Variants in ZGRF1 observed in about 807,000 individuals in gnomAD.
The protein encoded by ZGRF1 is zinc finger GRF-type containing 1.
ZGRF1 carries 196 observed loss-of-function variants against 203.5 expected under a neutral mutation model. That is an observed-to-expected ratio of 0.96 (90% confidence interval 0.86 to 1.08). The LOEUF (loss-of-function observed/expected upper bound fraction) is 1.08, where lower values mean the gene tolerates loss of function less well. ZGRF1 is among the 50% of genes least tolerant of loss of function. The pLI is 0.00. For missense variants in ZGRF1, 2,326 were observed against 2,416.3 expected (o/e 0.96, Z 0.78); for synonymous variants, 809 against 841.3 (o/e 0.96, Z 0.66).
intron 12 of ZGRF1, 135 bp from the exon 13 acceptor site, chr4:112,586,718 T>C (rs1747256224): frequency 1.4e-6 from 1 of 725,064 alleles, no homozygotes; most frequent in Non-Finnish European, 2.0e-6. Flanking sequence ...AAAATTACTT[T>C]CAAATTTTAA....
chr4:112,569,550 AG>A, intron 16 of ZGRF1, among the ~76,000 whole-genome samples: 1 of 152,294 alleles, frequency 6.6e-6, no homozygotes, highest in South Asian at 2.1e-4. Flanking sequence ...GAGTAAGGAA[AG>A]GGATCAGGGG....
At position 112,619,568 on chromosome 4, in the gene ZGRF1, AG is replaced by A; in HGVS notation, c.473del (p.Pro158LeufsTer12). ...PTIFSPFCSM[P>X]PLFPTVGKKD... ...TCTTGCCAACAGTAGGAAACAAAGGAGGCATGCTGCAGAATGGAGAAAAAAT... is the reference window on the plus strand; with the variant it reads ...TCTTGCCAACAGTAGGAAACAAAGGAGCATGCTGCAGAATGGAGAAAAAAT... On this transcript the variant is annotated frameshift_variant, in exon 6 of 28. Transcript: ENST00000505019. LOFTEE classifies it high-confidence loss of function. The A allele has an allele frequency of 6.2e-7, 1 of 1,614,118 alleles. No individual in the cohort carries two copies. The highest frequency in any genetic ancestry group is 8.5e-7 in the Non-Finnish European group (1 of 1,179,982).
chr4:112,547,251 AATG>A (rs765645052), intron 24 of ZGRF1, 31 bp downstream of exon 24: 1 of 1,588,496 alleles, frequency 6.3e-7, no homozygotes, highest in African/African-American at 1.4e-5. Flanking sequence ...AGAATCAATA[AATG>A]ATAATTCCGT....
intron 15 of ZGRF1, 26 bp downstream of exon 15, chr4:112,583,952 C>G: frequency 6.9e-7 from 1 of 1,439,182 alleles, no homozygotes; most frequent in Non-Finnish European, 9.5e-7. Context: ...TAATCACAGG[C>G]AATTATTTGG....
intron 16 of ZGRF1, among the ~76,000 whole-genome samples, chr4:112,577,000 A>C (rs1745360891): frequency 6.6e-6 from 1 of 151,264 alleles, no homozygotes. Context: ...GTTGAAATGA[A>C]GGAAAAAATG....
At chr4:112,622,581 A>T (rs1296912802) in intron 4 of ZGRF1, among the ~76,000 whole-genome samples, 1 of 152,032 alleles carries the variant, frequency 6.6e-6, no homozygotes, top group African/African-American at 2.4e-5. Flanking sequence ...ACTTTACAGA[A>T]ATTATTTCTA....
At chr4:112,596,174 CAG>C (rs1215190317) in intron 10 of ZGRF1, among the ~76,000 whole-genome samples, 1 of 152,104 alleles carries the variant, frequency 6.6e-6, no homozygotes, top group Non-Finnish European at 1.5e-5. Context: ...GGATGAGAAA[CAG>C]AAACTCCATC....
At chr4:112,560,566 C>T (rs753935450) in intron 19 of ZGRF1, among the ~76,000 whole-genome samples, 167 bp downstream of exon 19, 1 of 152,188 alleles carries the variant, frequency 6.6e-6, no homozygotes, top group Non-Finnish European at 1.5e-5. Flanking sequence ...TTAGGGTAGT[C>T]AGTTCTGTTC....
intron 11 of ZGRF1, among the ~76,000 whole-genome samples, chr4:112,589,349 G>T (rs1747758066): frequency 6.6e-6 from 1 of 152,122 alleles, no homozygotes; most frequent in Non-Finnish European, 1.5e-5. Flanking sequence ...AAAAGGTTAT[G>T]CTAAGGTCAA....
chr4:112,624,517 G>A (rs1424897615), intron 3 of ZGRF1, among the ~76,000 whole-genome samples: 2 of 151,904 alleles, frequency 1.3e-5, no homozygotes, highest in Non-Finnish European at 2.9e-5. Context: ...GGGACAAACA[G>A]GAGACAAGAT....
At chr4:112,614,019 A>G (rs2046781618) in intron 6 of ZGRF1, among the ~76,000 whole-genome samples, 1 of 152,172 alleles carries the variant, frequency 6.6e-6, no homozygotes, top group South Asian at 2.1e-4. Context: ...GAAAATTGAT[A>G]TTGTTTTCCT....
rs1747037318 is a variant in ZGRF1, at chr4:112,585,609, T to C, written c.4033A>G (p.Asn1345Asp). The C allele has an allele frequency of 1.2e-6, 2 of 1,612,856 alleles. No individual in the cohort carries two copies. Among genetic ancestry groups the C allele is most frequent in the Middle Eastern group, 1.7e-4 (1 of 6,048 alleles). ...KGEKLKNAEN[N>D]VPSCHHSQPA... ...TGACTATGATGGCAGGATGGTACAT[T>C]ATTTTCTGCGTTTTTCAGTTTCTCT... The change falls in exon 14 of 28, where the codon AAT (asparagine) becomes GAT (aspartate). Residue 1345 changes from asparagine to aspartate, a missense_variant. Coordinates refer to ENST00000505019, the MANE Select transcript of ZGRF1 (RefSeq NM_018392.5).
At position 112,618,305 on chromosome 4, in the gene ZGRF1, T is replaced by A. The variant is rs1448711069; in HGVS notation, c.1737A>T (p.Thr579=). 1 of 1,613,962 alleles carries A rather than the reference T, an allele frequency of 6.2e-7. No homozygotes were observed. Among genetic ancestry groups the A allele is most frequent in the Admixed American group, 1.7e-5 (1 of 60,006 alleles). The change falls in exon 6 of 28, where the codon ACA becomes ACT. Residue 579 remains threonine, a synonymous_variant. Transcript: ENST00000505019. The part of the protein sequence containing the change: ...NSCFQKRSEN[T]NCEEIEGEHL... ...GTTCACCCTCAATCTCTTCACAGTT[T>A]GTATTCTCAGACCTCTTTTGAAAAC...
chr4:112,619,751 CTGGCT>C, intron 5 of ZGRF1, 61 bp from the exon 6 acceptor site: 1 of 1,306,912 alleles, frequency 7.7e-7, no homozygotes, highest in African/African-American at 1.5e-5. Context: ...GTGAAATGAA[CTGGCT>C]AAGAAAAAAA....
At position 112,619,385 on chromosome 4, in the gene ZGRF1, A is replaced by T. The variant is rs574123048; in HGVS notation, c.657T>A (p.Ser219=). The T allele has an allele frequency of 6.2e-7, 1 of 1,613,250 alleles. No homozygotes were observed. The highest frequency in any genetic ancestry group is 1.3e-5 in the African/African-American group (1 of 75,038). The part of the protein sequence containing the change: ...EENYFCSPVN[S]GNKLSDSLLT... ...GTAAAGAGTCTGAAAGCTTATTTCC[A>T]GAATTGACAGGTGAGCAAAAATAAT... Residue 219 remains serine, a synonymous_variant, in exon 6 of 28, where the codon TCT becomes TCA. Coordinates refer to ENST00000505019, the MANE Select transcript of ZGRF1 (RefSeq NM_018392.5).
At position 112,589,819 on chromosome 4, in the gene ZGRF1, A is replaced by T; in HGVS notation, c.3032T>A (p.Leu1011Ter). ...STLSPVSTFS[L>*]NSRDEDFMVE... ...CATGAAGTCTTCATCTCTTGAGTTC[A>T]AAGAAAAGGTAGAAACAGGGCTCAA... The change falls in exon 11 of 28, where the codon TTG becomes TAG. Residue 1011 changes from leucine to a stop codon, truncating the protein, a stop_gained. Coordinates refer to ENST00000505019, the MANE Select transcript of ZGRF1 (RefSeq NM_018392.5). LOFTEE classifies it high-confidence loss of function. 1 of 1,613,354 alleles carries T rather than the reference A, an allele frequency of 6.2e-7. No individual in the cohort carries two copies. Among genetic ancestry groups the T allele is most frequent in the Non-Finnish European group, 8.5e-7 (1 of 1,179,546 alleles).
At chr4:112,628,351 T>C (rs1018304370) in intron 3 of ZGRF1, among the ~76,000 whole-genome samples, 34 of 152,314 alleles carry the variant, frequency 2.2e-4, no homozygotes, top group African/African-American at 8.2e-4. Context: ...CCCAAAATTA[T>C]ACATCTAATA....
At chr4:112,555,035 T>C (rs1277461842) in intron 20 of ZGRF1, among the ~76,000 whole-genome samples, 4 of 152,250 alleles carry the variant, frequency 2.6e-5, no homozygotes, top group Non-Finnish European at 4.4e-5. Context: ...ATGCCAATGT[T>C]AGTATTTACC....
At chr4:112,626,884 C>T (rs2047256590) in intron 3 of ZGRF1, among the ~76,000 whole-genome samples, 1 of 152,152 alleles carries the variant, frequency 6.6e-6, no homozygotes, top group Non-Finnish European at 1.5e-5. Context: ...CAGATCACTG[C>T]AACCTCCACC....
Sources: gnomAD v4.1 joint callset for allele counts (sites outside exome capture counted in the v4.1 genomes callset) on GRCh38, gnomAD v4.1.1 for gene constraint, MANE v1.5 for transcripts, NCBI Gene and HGNC (gene_info 2026-07-23, HGNC 2026-07-21) for gene names.